The following ZIC4 variants were observed in gnomAD, a reference collection of about 807,000 sequenced individuals.
The protein encoded by ZIC4 is Zic family zinc finger 4, also known as zinc finger protein ZIC 4.
Under a neutral mutation model 28.8 loss-of-function variants are expected in ZIC4, and 15 were observed. The ratio of observed to expected loss-of-function variants is 0.52; its 90% CI spans 0.35 to 0.80. The LOEUF (loss-of-function observed/expected upper bound fraction) is 0.80, where lower values mean the gene tolerates loss of function less well. Among genes scored for constraint, ZIC4 ranks in the 30% least tolerant of loss-of-function variants. ZIC4 has a pLI of 0.01. For missense variants in ZIC4, 512 were observed against 467.1 expected (o/e 1.10, Z -0.89); for synonymous variants, 220 against 198.1 (o/e 1.11, Z -0.93).
chr3:147,393,636 G>C, intron 3 of ZIC4: 1 of 293,968 alleles, frequency 3.4e-6, no homozygotes, highest in South Asian at 2.8e-5. Context: ...AGCTGGGCCA[G>C]CGCCATTTTC....
At chr3:147,398,063 G>T (rs1459368480) in intron 2 of ZIC4, among the ~76,000 whole-genome samples, 2 of 151,968 alleles carry the variant, frequency 1.3e-5, no homozygotes, top group Non-Finnish European at 2.9e-5. Context: ...GCTCGAACCC[G>T]TGCCTTCCTG....
chr3:147,391,975 C>T, intron 3 of ZIC4: 5 of 985,454 alleles, frequency 5.1e-6, no homozygotes, highest in Non-Finnish European at 6.0e-6. Context: ...CTTGCCTAAA[C>T]CTTCCGGGAT....
At position 147,402,035 on chromosome 3, in the gene ZIC4, C is replaced by T. The variant is rs543662927; in HGVS notation, c.70+693G>A. On this transcript the variant is annotated intron_variant, in intron 2 of 4. Coordinates refer to ENST00000383075, the MANE Select transcript of ZIC4 (RefSeq NM_032153.6). Reference sequence around the variant, plus strand: ...TTGGTTAGGAAGGTTCCTTTGTCTACCAATGAGGGAACATCTTTGGAGGCA... The same window carrying T: ...TTGGTTAGGAAGGTTCCTTTGTCTATCAATGAGGGAACATCTTTGGAGGCA... Among the ~76,000 whole-genome samples the T allele has an allele frequency of 4.2e-3, 644 of 152,208 alleles. 1 individual carries two copies. The highest frequency in any genetic ancestry group is 6.9e-3 in the Non-Finnish European group (469 of 68,018).
chr3:147,396,119 G>C lies in ZIC4; in HGVS notation c.421C>G (p.Pro141Ala). Residue 141 changes from proline (P) to alanine (A), a missense_variant, in exon 3 of 5, where the codon CCG becomes GCG. Physicochemically the swap from Pro to Ala is conservative, Grantham distance 27. Coordinates refer to ENST00000383075, the MANE Select transcript of ZIC4 (RefSeq NM_032153.6). The surrounding 1 kb of genome is among the most constrained non-coding windows in gnomAD (Gnocchi z 4.2). ...CTGAAAGTTTTGGAGCAGAGGCTCGGGGTCGCGGTGCCGTCGGCCGCCAGC... is the reference window on the plus strand; with the variant it reads ...CTGAAAGTTTTGGAGCAGAGGCTCGCGGTCGCGGTGCCGTCGGCCGCCAGC... ...KWLAADGTAT[P>A]SLCSKTFSTM... 6 of 1,614,124 alleles carry C rather than the reference G, an allele frequency of 3.7e-6. No individual in the cohort carries two copies. Among genetic ancestry groups the C allele is most frequent in the Non-Finnish European group, 5.1e-6 (6 of 1,180,032 alleles).
intron 2 of ZIC4, among the ~76,000 whole-genome samples, chr3:147,400,974 C>G (rs1336705513): frequency 6.6e-6 from 1 of 152,164 alleles, no homozygotes; most frequent in Non-Finnish European, 1.5e-5. Context: ...TACTTTTCTG[C>G]TTCATTTGTA....
Position 147,391,039 on chromosome 3 carries a change from T to A in ZIC4, c.896A>T (p.Asp299Val), listed in dbSNP as rs1363632903. The A allele has an allele frequency of 6.2e-7, 1 of 1,613,776 alleles. No homozygotes were observed. The highest frequency in any genetic ancestry group is 8.5e-7 in the Non-Finnish European group (1 of 1,179,932). Residue 299 changes from aspartate to valine, a missense_variant, in exon 4 of 5, where the codon GAT becomes GTT. Coordinates refer to ENST00000383075, the MANE Select transcript of ZIC4 (RefSeq NM_032153.6). ...GRSPPPSSGY[D>V]SATPSALVSP... ...CACGAGGGCAGACGGTGTAGCCGAA[T>A]CGTAGCCAGAGCTGGGCGGCGGCGA...
intron 3 of ZIC4, chr3:147,393,787 C>T (rs2086977719): frequency 1.6e-5 from 7 of 435,116 alleles, no homozygotes; most frequent in South Asian, 1.1e-4. Flanking sequence ...CCGAGGGGTC[C>T]CTGGAGAGGA....
chr3:147,404,255 C>G, intron 1 of ZIC4: 1 of 1,437,170 alleles, frequency 7.0e-7, no homozygotes, highest in Non-Finnish European at 9.1e-7. Flanking sequence ...CAGCCCCAAC[C>G]CAACTTCTAA....
At chr3:147,397,033 C>T (rs1417742012) in intron 2 of ZIC4, 1 of 152,262 alleles carries the variant, frequency 6.6e-6, no homozygotes, top group Admixed American at 6.5e-5. Flanking sequence ...TGCCACCTGA[C>T]AGTGGGGAGG....
chr3:147,391,028 G>T lies in ZIC4; in HGVS notation c.907C>A (p.Pro303Thr), dbSNP rs752817308. 3.1e-6 allele frequency: 5 copies of T among 1,613,690 alleles called. No individual in the cohort carries two copies. The East Asian group carries it at 1.1e-4, about 36-fold the overall frequency. ...PPSSGYDSAT[P>T]SALVSPSSDC... Reference sequence around the variant, plus strand: ...GACGAGGGCGACACGAGGGCAGACGGTGTAGCCGAATCGTAGCCAGAGCTG... The same window carrying T: ...GACGAGGGCGACACGAGGGCAGACGTTGTAGCCGAATCGTAGCCAGAGCTG... Residue 303 changes from proline to threonine, a missense_variant, in exon 4 of 5, where the codon CCG becomes ACG. Pro to Thr is a conservative substitution (Grantham distance 38). This residue lies in a region of ZIC4 where 144 missense variants were observed against 116.8 expected (regional missense o/e 1.23). Transcript: ENST00000383075.
intron 1 of ZIC4, chr3:147,404,292 T>C: frequency 1.4e-6 from 2 of 1,417,400 alleles, no homozygotes; most frequent in South Asian, 3.1e-5. Context: ...CTCTCCCAGG[T>C]CCTGTCAGCC....
chr3:147,396,077 C>A lies in ZIC4; in HGVS notation c.463G>T (p.Val155Phe), dbSNP rs749529573. 1.2e-6 allele frequency: 2 copies of A among 1,614,272 alleles called. No homozygotes were observed. Among genetic ancestry groups the A allele is most frequent in the South Asian group, 2.2e-5 (2 of 91,086 alleles). The change falls in exon 3 of 5, where the codon GTC becomes TTC. Residue 155 changes from valine (V) to phenylalanine (F), a missense_variant. Val to Phe is a conservative substitution (Grantham distance 50). Around this residue, in one of 3 missense-constraint regions of ZIC4, gnomAD observed 310 missense variants for 256.5 expected, o/e 1.21. Transcript: ENST00000383075. The surrounding 1 kb of genome is among the most constrained non-coding windows in gnomAD (Gnocchi z 4.2). ...SKTFSTMHEL[V>F]THVTVEHVGG... ...ACGTGCTCCACGGTGACGTGCGTGA[C>A]CAGCTCGTGCATGGTGCTGAAAGTT...
intron 3 of ZIC4, among the ~76,000 whole-genome samples, chr3:147,394,152 CTCTT>C (rs925250388): frequency 2.0e-5 from 3 of 152,090 alleles, no homozygotes; most frequent in African/African-American, 4.8e-5. Flanking sequence ...CACTCTCTCT[CTCTT>C]CTTTTTATGA....
intron 2 of ZIC4, among the ~76,000 whole-genome samples, chr3:147,399,061 A>G (rs1345807630): frequency 6.6e-6 from 1 of 152,000 alleles, no homozygotes; most frequent in Non-Finnish European, 1.5e-5. Flanking sequence ...GAGCTTGGAT[A>G]ACTCTACCAA....
intron 4 of ZIC4, among the ~76,000 whole-genome samples, chr3:147,390,209 C>A (rs1176705052): frequency 6.9e-6 from 1 of 145,064 alleles, no homozygotes; most frequent in South Asian, 2.5e-4. Flanking sequence ...GACGATGAAT[C>A]TCCCTTACCT....
chr3:147,392,172 T>G (rs1048872595), intron 3 of ZIC4: 2 of 985,480 alleles, frequency 2.0e-6, no homozygotes, highest in African/African-American at 3.5e-5. Context: ...CGCGGTAGGG[T>G]CCGCACAGGC....
intron 1 of ZIC4, chr3:147,405,533 T>G: frequency 6.7e-7 from 1 of 1,495,598 alleles, no homozygotes; most frequent in Non-Finnish European, 9.0e-7. Context: ...AGCTCAGCTC[T>G]ATTCCCTCCT....
chr3:147,393,885 C>G, intron 3 of ZIC4: 1 of 456,712 alleles, frequency 2.2e-6, no homozygotes, highest in East Asian at 7.0e-5. Context: ...CTGTGACCGC[C>G]ACAAAGTGAA....
chr3:147,403,708 A>T, intron 1 of ZIC4: 1 of 342,756 alleles, frequency 2.9e-6, no homozygotes, highest in Non-Finnish European at 5.3e-6. Flanking sequence ...CTCAGGCTGG[A>T]CAAACACAGC....
Sources: allele counts gnomAD v4.1 joint callset (sites outside exome capture counted in the v4.1 genomes callset), GRCh38; gene constraint gnomAD v4.1.1; regional missense constraint gnomAD v4.1.1; non-coding constraint Gnocchi (gnomAD v3.1); transcripts MANE v1.5; gene names NCBI Gene and HGNC (gene_info 2026-07-23, HGNC 2026-07-21).